The following PAPPA variants were observed in gnomAD, a reference collection of about 807,000 sequenced individuals.
PAPPA encodes pappalysin 1, also known as pappalysin-1.
Under a neutral mutation model 164.0 loss-of-function variants are expected in PAPPA, and 60 were observed. The ratio of observed to expected loss-of-function variants is 0.37; its 90% CI spans 0.30 to 0.45. PAPPA has a LOEUF of 0.45. Ranked by LOEUF, PAPPA falls within the 20% of genes least tolerant of loss-of-function variation. The pLI, the probability that PAPPA is intolerant of heterozygous loss-of-function variation, is 1.00. For synonymous variants in PAPPA, 875 were observed against 814.1 expected, an observed-to-expected ratio of 1.07 and a Z score of -1.27; for missense variants, 1,782 against 2,087.3, an observed-to-expected ratio of 0.85 and a Z score of 2.85.
At chr9:116,280,246 G>GA (rs2118842060) in intron 9 of PAPPA, among the ~76,000 whole-genome samples, 1 of 152,262 alleles carries the variant, frequency 6.6e-6, no homozygotes, top group South Asian at 2.1e-4. Context: ...GGGAGGTTAG[G>GA]AAAATGATAC....
intron 11 of PAPPA, among the ~76,000 whole-genome samples, chr9:116,332,091 C>T (rs1054606630): frequency 3.9e-5 from 6 of 152,106 alleles, no homozygotes; most frequent in Non-Finnish European, 7.3e-5. Flanking sequence ...GTGGCCCAGC[C>T]ATTCACTCAA....
chr9:116,369,415 G>A (rs1474297111), intron 19 of PAPPA, among the ~76,000 whole-genome samples: 1 of 152,116 alleles, frequency 6.6e-6, no homozygotes. Context: ...AGAGGAAGGC[G>A]GCTGGTCCAC....
chr9:116,364,958 G>C (rs1490390634), intron 18 of PAPPA, among the ~76,000 whole-genome samples: 1 of 152,168 alleles, frequency 6.6e-6, no homozygotes, highest in Non-Finnish European at 1.5e-5. Context: ...AGGGACACTG[G>C]AGGAGATCAG....
chr9:116,344,143 A>C (rs1846175983), intron 13 of PAPPA, among the ~76,000 whole-genome samples: 1 of 152,116 alleles, frequency 6.6e-6, no homozygotes. Context: ...TTAATTCTCA[A>C]AATGATCCTT....
chr9:116,372,877 G>A (rs1034796799), intron 19 of PAPPA, among the ~76,000 whole-genome samples: 6 of 152,164 alleles, frequency 3.9e-5, no homozygotes, highest in East Asian at 1.9e-4. Flanking sequence ...GGATTATCAC[G>A]TTACAGATGA....
chr9:116,203,594 ATT>A (rs1053442871), intron 2 of PAPPA, among the ~76,000 whole-genome samples: 1 of 152,126 alleles, frequency 6.6e-6, no homozygotes, highest in African/African-American at 2.4e-5. Flanking sequence ...GTTGTTAATA[ATT>A]TTTGTTTTGC....
intron 7 of PAPPA, among the ~76,000 whole-genome samples, chr9:116,237,633 T>A (rs1844684291): frequency 6.6e-6 from 1 of 152,158 alleles, no homozygotes; most frequent in Non-Finnish European, 1.5e-5. Flanking sequence ...GGCTCTACCC[T>A]CTTAGGTGAG....
chr9:116,168,692 A>T lies in PAPPA; in HGVS notation c.415+14105A>T, dbSNP rs3789271. Among the ~76,000 whole-genome samples, 955 of 152,306 alleles carry T rather than the reference A, an allele frequency of 6.3e-3. 37 individuals carry two copies. In the East Asian group the frequency reaches 0.11, roughly 17 times the overall value. ...AAATGAGAACAATCAACACTTCTGG[A>T]TTCATGCCTCAGCTGTAGATACTTA... On this transcript the variant is annotated intron_variant, in intron 1 of 21. Coordinates refer to ENST00000328252, the MANE Select transcript of PAPPA (RefSeq NM_002581.5).
At chr9:116,323,054 T>C (rs776322221) in intron 10 of PAPPA, among the ~76,000 whole-genome samples, 70 of 152,318 alleles carry the variant, frequency 4.6e-4, no homozygotes, top group Admixed American at 2.7e-3. Context: ...GCATGTCCCC[T>C]GTGTGGGAAA....
intron 9 of PAPPA, among the ~76,000 whole-genome samples, chr9:116,281,275 G>C (rs1845263309): frequency 6.6e-6 from 1 of 152,104 alleles, no homozygotes; most frequent in Admixed American, 6.5e-5. Context: ...TAAAAGTATA[G>C]CCAGTTGGGC....
chr9:116,362,337 G>C (rs558847014), intron 17 of PAPPA, among the ~76,000 whole-genome samples: 1 of 152,244 alleles, frequency 6.6e-6, no homozygotes, highest in East Asian at 1.9e-4. Context: ...GCTCGGACTT[G>C]GGAGTTTGGC....
intron 9 of PAPPA, among the ~76,000 whole-genome samples, chr9:116,273,995 T>G (rs914431111): frequency 6.6e-6 from 1 of 151,946 alleles, no homozygotes; most frequent in Non-Finnish European, 1.5e-5. Context: ...AGGTATGGGG[T>G]GATGATCTAA....
chr9:116,381,996 G>C (rs1008623927), intron 20 of PAPPA, among the ~76,000 whole-genome samples: 4 of 152,048 alleles, frequency 2.6e-5, no homozygotes, highest in Admixed American at 2.0e-4. Flanking sequence ...TACAAATTAC[G>C]TTTTTAATTA....
intron 7 of PAPPA, among the ~76,000 whole-genome samples, chr9:116,261,002 G>A (rs1844994552): frequency 6.6e-6 from 1 of 152,202 alleles, no homozygotes; most frequent in African/African-American, 2.4e-5. Context: ...GTCTTGGAAT[G>A]GAGTTAGACA....
At chr9:116,329,124 A>G (rs559207976) in intron 10 of PAPPA, among the ~76,000 whole-genome samples, 3 of 152,262 alleles carry the variant, frequency 2.0e-5, no homozygotes, top group Admixed American at 2.0e-4. Context: ...GAGACATTTG[A>G]ATTTGCACAG....
At chr9:116,223,605 C>T (rs909317308) in intron 5 of PAPPA, among the ~76,000 whole-genome samples, 1 of 152,292 alleles carries the variant, frequency 6.6e-6, no homozygotes, top group Non-Finnish European at 1.5e-5. Flanking sequence ...ATTTCCAAAA[C>T]ATATCTAATT....
chr9:116,344,546 C>T lies in PAPPA; in HGVS notation c.3615C>T (p.Cys1205=), dbSNP rs763689630. 3.0e-5 allele frequency: 48 copies of T among 1,611,262 alleles called. No homozygotes were observed. In the East Asian group the frequency reaches 7.8e-4, roughly 26 times the overall value. Residue 1205 remains cysteine (C), a synonymous_variant, in exon 14 of 22, where the codon TGC becomes TGT. Coordinates refer to ENST00000328252, the MANE Select transcript of PAPPA (RefSeq NM_002581.5). ...GETYSPAEQS[C]VHFACEKTDC... ...CCCTCGTTTCTTTCCTCCCCAGCTG[C>T]GTGCACTTCGCATGTGAGAAAACTG...
At chr9:116,195,118 G>A (rs960973094) in intron 2 of PAPPA, among the ~76,000 whole-genome samples, 9 of 152,152 alleles carry the variant, frequency 5.9e-5, no homozygotes, top group African/African-American at 2.2e-4. Flanking sequence ...GACTTGTGAA[G>A]TTACTATATG....
At chr9:116,257,826 A>G (rs1394712161) in intron 7 of PAPPA, among the ~76,000 whole-genome samples, 1 of 152,014 alleles carries the variant, frequency 6.6e-6, no homozygotes, top group Non-Finnish European at 1.5e-5. Flanking sequence ...AAAACAGTCT[A>G]TGAGGACTTC....
Sources: allele counts gnomAD v4.1 joint callset (sites outside exome capture counted in the v4.1 genomes callset), GRCh38; gene constraint gnomAD v4.1.1; transcripts MANE v1.5; gene names NCBI Gene and HGNC (gene_info 2026-07-23, HGNC 2026-07-21).